The following GRIK2 variants were observed in gnomAD, a reference collection of about 807,000 sequenced individuals.
GRIK2 encodes glutamate ionotropic receptor kainate type subunit 2.
A neutral mutation model predicts 100.3 loss-of-function variants in GRIK2; 32 were observed. The ratio of observed to expected loss-of-function variants is 0.32; its 90% CI spans 0.24 to 0.43. The LOEUF (loss-of-function observed/expected upper bound fraction) is 0.43, where lower values mean the gene tolerates loss of function less well. Ranked by LOEUF, GRIK2 falls within the 20% of genes least tolerant of loss-of-function variation. GRIK2 has a pLI of 1.00. For synonymous variants in GRIK2, 417 were observed against 389.4 expected (o/e 1.07, Z -0.83); for missense variants, 843 against 1,114.9 (o/e 0.76, Z 3.47).
At chr6:101,722,641 G>A (rs974287751) in intron 7 of GRIK2, among the ~76,000 whole-genome samples, 3 of 152,048 alleles carry the variant, frequency 2.0e-5, no homozygotes, top group Non-Finnish European at 2.9e-5. Flanking sequence ...TATCTGGACT[G>A]TATACAAAGA....
intron 2 of GRIK2, among the ~76,000 whole-genome samples, chr6:101,465,350 T>G (rs1335092551): frequency 6.6e-6 from 1 of 152,214 alleles, no homozygotes; most frequent in Non-Finnish European, 1.5e-5. Context: ...AGCTCCCAGT[T>G]ACAAGTGAGA....
intron 14 of GRIK2, among the ~76,000 whole-genome samples, chr6:101,988,777 G>T (rs974925715): frequency 6.6e-5 from 10 of 151,822 alleles, no homozygotes; most frequent in Non-Finnish European, 1.5e-5. Flanking sequence ...CACAGTCTGG[G>T]TGTTAAATGT....
intron 7 of GRIK2, 47 bp downstream of exon 7, chr6:101,686,400 T>A: frequency 7.1e-7 from 1 of 1,413,186 alleles, no homozygotes; most frequent in Non-Finnish European, 1.0e-6. Context: ...CTAAATAGTA[T>A]TGCATACATA....
chr6:101,738,199 AATT>A (rs1775787142), intron 7 of GRIK2, among the ~76,000 whole-genome samples: 3 of 151,880 alleles, frequency 2.0e-5, no homozygotes, highest in African/African-American at 7.2e-5. Flanking sequence ...TGTAATTGAC[AATT>A]GTCAAATGTC....
In GRIK2 at chr6:101,621,802, C is replaced by T. The variant is rs1345025078; in HGVS notation, c.116-147C>T. The T allele has an allele frequency of 6.3e-6, 4 of 635,232 alleles. No homozygotes were observed. In the Admixed American group the frequency reaches 1.1e-4, roughly 17 times the overall value. The allele number at this position is 635,232 out of a possible 1,614,324, so 39.3% of individuals were successfully genotyped here. A position where few individuals can be genotyped will look rare whatever the true frequency, so the allele number is the denominator to read the frequency against. On this transcript the variant is annotated intron_variant, in intron 2 of 16. Transcript: ENST00000369134. ...CCCATGTACTTAAATCTCTCCCTCTCTCTCTCTCTTTCTCTCTCTCACACA... is the reference window on the plus strand; with the variant it reads ...CCCATGTACTTAAATCTCTCCCTCTTTCTCTCTCTTTCTCTCTCTCACACA...
chr6:101,435,414 GA>G (rs1769658312), intron 2 of GRIK2, among the ~76,000 whole-genome samples: 1 of 144,354 alleles, frequency 6.9e-6, no homozygotes, highest in African/African-American at 2.6e-5. Flanking sequence ...GGCAATAAAA[GA>G]AAGTTGAAAA....
intron 14 of GRIK2, among the ~76,000 whole-genome samples, chr6:101,983,106 C>T (rs528540884): frequency 3.3e-5 from 5 of 151,862 alleles, no homozygotes; most frequent in South Asian, 2.1e-4. Flanking sequence ...TTATTATCAA[C>T]GAGCTTGAAC....
chr6:101,669,875 A>G (rs1770298232), intron 4 of GRIK2, among the ~76,000 whole-genome samples: 1 of 152,104 alleles, frequency 6.6e-6, no homozygotes, highest in African/African-American at 2.4e-5. Context: ...GTCAGGGAAT[A>G]AGGAAAGCAA....
chr6:101,673,692 C>T (rs1343228088), intron 4 of GRIK2, among the ~76,000 whole-genome samples: 2 of 152,162 alleles, frequency 1.3e-5, no homozygotes, highest in Non-Finnish European at 2.9e-5. Context: ...CTGAGTCCTC[C>T]CACTCTGAGT....
chr6:101,827,683 C>T (rs1280406728), intron 10 of GRIK2, among the ~76,000 whole-genome samples: 1 of 151,728 alleles, frequency 6.6e-6, no homozygotes, highest in African/African-American at 2.4e-5. Context: ...TACAAAAGTA[C>T]AAAGAATGAC....
intron 2 of GRIK2, among the ~76,000 whole-genome samples, chr6:101,414,473 CAT>C (rs1230939747): frequency 6.6e-6 from 1 of 152,008 alleles, no homozygotes; most frequent in Non-Finnish European, 1.5e-5. Flanking sequence ...GATTCGGTGA[CAT>C]ATCACAGATC....
intron 14 of GRIK2, among the ~76,000 whole-genome samples, chr6:102,018,913 C>A (rs546168721): frequency 6.6e-5 from 10 of 151,996 alleles, no homozygotes; most frequent in Admixed American, 6.6e-4. Context: ...GTAAGCAACA[C>A]AAAATATTCT....
chr6:101,583,798 G>C (rs1778217264), intron 2 of GRIK2, among the ~76,000 whole-genome samples: 1 of 151,978 alleles, frequency 6.6e-6, no homozygotes, highest in Non-Finnish European at 1.5e-5. Flanking sequence ...GTTTGATGTT[G>C]TATGTCTTGT....
intron 14 of GRIK2, among the ~76,000 whole-genome samples, chr6:102,010,986 G>T (rs561991806): frequency 6.6e-6 from 1 of 152,156 alleles, no homozygotes; most frequent in East Asian, 1.9e-4. Flanking sequence ...GAATAAAGCT[G>T]CTGTAAACAT....
At chr6:101,890,008 A>T in intron 12 of GRIK2, 145 bp downstream of exon 12, 1 of 621,218 alleles carries the variant, frequency 1.6e-6, no homozygotes. Flanking sequence ...TAAGAATCAC[A>T]TTCATTTATT....
rs963001975 is a variant in GRIK2 at position 101,595,968 on chromosome 6, T to C, written c.116-25981T>C. 7.1e-5 allele frequency among the ~76,000 whole-genome samples: 10 copies of C among 140,206 alleles called. 1 individual carries two copies. The South Asian group carries it at 1.6e-3, about 22-fold the overall frequency. The allele number at this position is 140,206 out of a possible 152,430, so 92.0% of individuals were successfully genotyped here. On this transcript the variant is annotated intron_variant, in intron 2 of 16. Coordinates refer to ENST00000369134, the MANE Select transcript of GRIK2 (RefSeq NM_021956.5). The stretch of plus-strand genomic sequence containing the variant: ...TAATTCATTAAAATTTTTTTTTTTT[T>C]TTGCTTTTTTAAATTTCAGCTGCAA...
At chr6:101,776,320 C>T (rs2128399912) in intron 7 of GRIK2, among the ~76,000 whole-genome samples, 1 of 152,012 alleles carries the variant, frequency 6.6e-6, no homozygotes, top group South Asian at 2.1e-4. Context: ...AATGTTCATA[C>T]AATAGTTTGT....
Position 101,869,931 on chromosome 6 carries a change from A to G in GRIK2, c.1524+10438A>G, listed in dbSNP as rs545041068. Among the ~76,000 whole-genome samples the G allele has an allele frequency of 5.8e-4, 88 of 152,020 alleles. 1 individual carries two copies. The highest frequency in any genetic ancestry group is 2.0e-3 in the African/African-American group (82 of 41,430). ...GAACTGCAGATTTTGGTTTTATTAT[A>G]TCTGAAAGGTAACTCAACATTTTGT... On this transcript the variant is annotated intron_variant, in intron 11 of 16. Coordinates refer to ENST00000369134, the MANE Select transcript of GRIK2 (RefSeq NM_021956.5).
intron 2 of GRIK2, among the ~76,000 whole-genome samples, chr6:101,614,772 T>G (rs1189191077): frequency 6.6e-6 from 1 of 151,734 alleles, no homozygotes; most frequent in Non-Finnish European, 1.5e-5. Flanking sequence ...AACATCAGTT[T>G]CTTTATTAAA....
Sources: gnomAD v4.1 joint callset for allele counts (sites outside exome capture counted in the v4.1 genomes callset) on GRCh38, gnomAD v4.1.1 for gene constraint, MANE v1.5 for transcripts, NCBI Gene and HGNC (gene_info 2026-07-23, HGNC 2026-07-21) for gene names.